Variants in TMPRSS7 observed in about 807,000 individuals in gnomAD.
TMPRSS7 encodes the protein transmembrane protease serine 7.
In TMPRSS7, 81 loss-of-function variants were observed where a neutral mutation model predicts 95.6. That is an observed-to-expected ratio of 0.85 (90% confidence interval 0.71 to 1.02). TMPRSS7 has a LOEUF of 1.02. Ranked by LOEUF, TMPRSS7 falls within the 50% of genes least tolerant of loss-of-function variation. The probability of loss-of-function intolerance (pLI) is 0.00; values close to 1 mark genes in which losing one functional copy is unlikely to be tolerated. For synonymous variants in TMPRSS7, 364 were observed against 337.8 expected (o/e 1.08, Z -0.85); for missense variants, 945 against 955.2 (o/e 0.99, Z 0.14).
At chr3:112,055,509 T>C (rs1559957253) in intron 9 of TMPRSS7, among the ~76,000 whole-genome samples, 1 of 147,136 alleles carries the variant, frequency 6.8e-6, no homozygotes, top group Non-Finnish European at 1.5e-5. Flanking sequence ...ATGACATAAC[T>C]AAAATGTCTT....
At chr3:112,070,573 C>T (rs138113374) in intron 13 of TMPRSS7, among the ~76,000 whole-genome samples, 2,243 of 152,238 alleles carry the variant, frequency 0.015, 57 homozygotes, top group African/African-American at 0.05. Flanking sequence ...ATCCCTTTAC[C>T]ATTATGTAAT....
Position 112,061,738 on chromosome 3 carries a change from G to C in TMPRSS7, c.1311-49G>C, listed in dbSNP as rs747766716. On this transcript the variant is annotated intron_variant, in intron 10 of 17. Coordinates refer to ENST00000452346, the Ensembl canonical transcript of TMPRSS7. The stretch of plus-strand genomic sequence containing the variant: ...AGAATTCACCATGAATGGGAATTCA[G>C]TCGACAGAACCTCAAGCTGTGTATT... The C allele has an allele frequency of 5.2e-6, 8 of 1,542,636 alleles. No homozygotes were observed. In the South Asian group the frequency reaches 8.8e-5, roughly 17 times the overall value.
At chr3:112,066,761 A>G (rs1234064418) in intron 13 of TMPRSS7, among the ~76,000 whole-genome samples, 3 of 151,742 alleles carry the variant, frequency 2.0e-5, no homozygotes, top group Admixed American at 2.0e-4. Context: ...ATGTGTGAAT[A>G]CTGGCAGATT....
chr3:112,050,069 T>G (rs2073326654), intron 8 of TMPRSS7, 95 bp downstream of exon 8: 2 of 1,247,156 alleles, frequency 1.6e-6, no homozygotes, highest in Admixed American at 5.2e-5. Context: ...TAATATTCAT[T>G]GTATTAGTCT....
chr3:112,038,048 A>G (rs2073165188), intron 1 of TMPRSS7, 24 bp from the exon 2 acceptor site: 2 of 700,840 alleles, frequency 2.9e-6, no homozygotes, highest in African/African-American at 3.5e-5. Flanking sequence ...ACTTGGTAAC[A>G]TATCTTATTT....
chr3:112,054,073 C>A (rs1332227305), intron 9 of TMPRSS7, among the ~76,000 whole-genome samples: 1 of 152,190 alleles, frequency 6.6e-6, no homozygotes, highest in African/African-American at 2.4e-5. Flanking sequence ...CAAGATTCCC[C>A]AGAAGGGAGC....
chr3:112,063,084 T>C (rs1170851332), intron 11 of TMPRSS7, among the ~76,000 whole-genome samples: 1 of 152,172 alleles, frequency 6.6e-6, no homozygotes, highest in East Asian at 1.9e-4. Flanking sequence ...ATTTAAGACA[T>C]ACAGGATAAC....
In TMPRSS7 at chr3:112,063,645, G is replaced by A; in HGVS notation, c.1555+13G>A. On this transcript the variant is annotated intron_variant, in intron 12 of 17. Coordinates refer to ENST00000452346, the Ensembl canonical transcript of TMPRSS7. ...GAACTGTTTTGCGGTGGGTATTCAA[G>A]ATTTTAATATGACTTTCTTATGAAT... 1 of 1,598,876 alleles carries A rather than the reference G, an allele frequency of 6.3e-7. No homozygotes were observed. Among genetic ancestry groups the A allele is most frequent in the Non-Finnish European group, 8.6e-7 (1 of 1,166,266 alleles).
At position 112,074,270 on chromosome 3, in the gene TMPRSS7, C is replaced by G. The variant is rs774196425; in HGVS notation, c.1667-26C>G. 4 of 1,518,778 alleles carry G rather than the reference C, an allele frequency of 2.6e-6. No individual in the cohort carries two copies. The Admixed American group carries it at 6.7e-5, about 26-fold the overall frequency. 94.1% of individuals were successfully genotyped at this position (1,518,778 alleles called of 1,614,324 possible). On this transcript the variant is annotated intron_variant, in intron 13 of 17. Coordinates refer to ENST00000452346, the Ensembl canonical transcript of TMPRSS7. ...CAAGTTTGTTTCTGGCTAAGGAAAG[C>G]TGTTTCTTCTTTTGTCCATTGTTAG...
intron 9 of TMPRSS7, among the ~76,000 whole-genome samples, chr3:112,053,567 G>A (rs534597246): frequency 6.6e-6 from 1 of 152,332 alleles, no homozygotes; most frequent in Admixed American, 6.5e-5. Flanking sequence ...CCAAAAAAGG[G>A]TGTTGAGTTT....
intron 7 of TMPRSS7, among the ~76,000 whole-genome samples, chr3:112,049,320 C>T (rs990216426): frequency 6.6e-6 from 1 of 152,190 alleles, no homozygotes; most frequent in African/African-American, 2.4e-5. Context: ...TCCCTGCTTT[C>T]CTTTCTCATT....
chr3:112,077,667 C>T (rs1290656893), intron 16 of TMPRSS7, among the ~76,000 whole-genome samples: 5 of 152,122 alleles, frequency 3.3e-5, no homozygotes, highest in African/African-American at 9.6e-5. Flanking sequence ...GGAGGTTATA[C>T]CTCCAGGATT....
chr3:112,054,766 A>G (rs2073411356), intron 9 of TMPRSS7, among the ~76,000 whole-genome samples: 1 of 74,796 alleles, frequency 1.3e-5, no homozygotes, highest in African/African-American at 5.0e-5. Flanking sequence ...TTTGAGACGG[A>G]GTCTCGTTCT....
At chr3:112,078,831 C>T (rs942830959) in exon 17 of TMPRSS7, 17 of 1,614,124 alleles carry the variant, frequency 1.1e-5, no homozygotes, top group South Asian at 5.5e-5. Flanking sequence ...CATCACTTCT[C>T]GGATGCTCTG....
intron 7 of TMPRSS7, among the ~76,000 whole-genome samples, chr3:112,048,588 T>A (rs2073308627): frequency 6.6e-6 from 1 of 152,224 alleles, no homozygotes; most frequent in Non-Finnish European, 1.5e-5. Flanking sequence ...TAGGCTTCAT[T>A]AAGAAATTAT....
At chr3:112,059,081 A>G (rs16859126) in intron 10 of TMPRSS7, among the ~76,000 whole-genome samples, 36,399 of 152,084 alleles carry the variant, frequency 0.24, 4,514 homozygotes, top group Middle Eastern at 0.28. Flanking sequence ...AAGAAGCCTA[A>G]TGATCTCCTC....
intron 12 of TMPRSS7, 55 bp downstream of exon 12, chr3:112,063,687 C>T (rs1309690361): frequency 1.4e-6 from 2 of 1,381,820 alleles, no homozygotes; most frequent in Admixed American, 1.7e-5. Flanking sequence ...CTTCTCAGGA[C>T]CATGATTGCT....
At chr3:112,045,925 G>C in exon 5 of TMPRSS7, 1 of 1,551,450 alleles carries the variant, frequency 6.4e-7, no homozygotes, top group Non-Finnish European at 8.7e-7. Flanking sequence ...TGTGGACATG[G>C]ACTCTGTGGT....
chr3:112,062,212 G>T (rs2073517677), intron 11 of TMPRSS7, among the ~76,000 whole-genome samples: 1 of 151,868 alleles, frequency 6.6e-6, no homozygotes, highest in East Asian at 1.9e-4. Context: ...ATTCCTTAAA[G>T]ACAAGACATG....
Sources: allele counts gnomAD v4.1 joint callset (sites outside exome capture counted in the v4.1 genomes callset), GRCh38; gene constraint gnomAD v4.1.1; transcripts MANE v1.5; gene names NCBI Gene and HGNC (gene_info 2026-07-23, HGNC 2026-07-21).